Variants in AFF2 observed in about 807,000 individuals in gnomAD.
AFF2 encodes ALF transcription elongation factor 2, also known as AF4/FMR2 family member 2.
AFF2 carries 14 observed loss-of-function variants against 76.9 expected under a neutral mutation model. The observed-to-expected ratio is 0.18, with a 90% CI of 0.12 to 0.28. The LOEUF (loss-of-function observed/expected upper bound fraction) is 0.28. Among genes scored for constraint, AFF2 ranks in the 10% least tolerant of loss-of-function variants. The pLI, the probability that AFF2 is intolerant of heterozygous loss-of-function variation, is 1.00. For synonymous variants in AFF2, 398 were observed against 366.7 expected, an observed-to-expected ratio of 1.09 and a Z score of -0.98; for missense variants, 868 against 1,001.1, an observed-to-expected ratio of 0.87 and a Z score of 1.79.
intron 7 of AFF2, among the ~76,000 whole-genome samples, chrX:148,870,212 T>A (rs1274774812): frequency 9.0e-6 from 1 of 111,617 alleles, no homozygotes; most frequent in Non-Finnish European, 1.9e-5. Flanking sequence ...CTGCAATCTC[T>A]CAGAATAACA....
chrX:148,762,409 G>GTATA (rs372864201), intron 3 of AFF2, among the ~76,000 whole-genome samples: 1 of 86,672 alleles, frequency 1.2e-5, no homozygotes, highest in African/African-American at 7.7e-5. Context: ...GTATTCTATG[G>GTATA]TATATATATA....
At position 148,614,693 on chromosome X, in the gene AFF2, T is replaced by TTTTCTTTCTTTCTTTC. The variant is rs548569376; in HGVS notation, c.48-37281_48-37266dup. Among the ~76,000 whole-genome samples the TTTTCTTTCTTTCTTTC allele has an allele frequency of 2.4e-3, 132 of 56,092 alleles. 3 individuals carry two copies. Among genetic ancestry groups the TTTTCTTTCTTTCTTTC allele is most frequent in the African/African-American group, 0.011 (102 of 9,330 alleles). The allele number at this position is 56,092 out of a possible 115,157, so 48.7% of individuals were successfully genotyped here. ...CTTTTCTTCCTTCTTTCCTTCTTTC[T>TTTTCTTTCTTTCTTTC]TTTCTTTCTTTCTTTCTTTCTTTCT... On this transcript the variant is annotated intron_variant, in intron 1 of 20. Transcript: ENST00000370460.
chrX:148,963,763 T>C (rs1456664601), intron 13 of AFF2, among the ~76,000 whole-genome samples: 3 of 112,199 alleles, frequency 2.7e-5, no homozygotes, highest in African/African-American at 9.7e-5. Flanking sequence ...ATCTTGGCCA[T>C]AGAGACAAAT....
rs782341508 is a variant in AFF2 at position 148,783,671 on chromosome X, T to A, written c.1042-26205T>A. On this transcript the variant is annotated intron_variant, in intron 3 of 20. Transcript: ENST00000370460. ...TAATAACCATCCCAAGATATGATTT[T>A]TTTTTAGCTTGTCTCTAGAAGGAAG... 6.3e-5 allele frequency among the ~76,000 whole-genome samples: 7 copies of A among 111,937 alleles called. No homozygotes were observed. In the East Asian group the frequency reaches 2.0e-3, roughly 31 times the overall value.
At chrX:148,519,322 T>G (rs1407161774) in intron 1 of AFF2, among the ~76,000 whole-genome samples, 1 of 112,208 alleles carries the variant, frequency 8.9e-6, no homozygotes, top group African/African-American at 3.2e-5. Flanking sequence ...TCTACTCACT[T>G]TCTGTGTGTT....
chrX:148,593,994 CTAAG>C (rs2053546719), intron 1 of AFF2, among the ~76,000 whole-genome samples: 1 of 111,328 alleles, frequency 9.0e-6, no homozygotes, highest in Non-Finnish European at 1.9e-5. Flanking sequence ...GGGATATGAA[CTAAG>C]TGAGTTAATA....
At chrX:148,760,826 G>A (rs1351877840) in intron 3 of AFF2, among the ~76,000 whole-genome samples, 1 of 111,955 alleles carries the variant, frequency 8.9e-6, no homozygotes, top group African/African-American at 3.2e-5. Flanking sequence ...AAAACATGAA[G>A]TCATGTCCTT....
At chrX:148,607,546 T>C (rs2053684349) in intron 1 of AFF2, among the ~76,000 whole-genome samples, 1 of 111,569 alleles carries the variant, frequency 9.0e-6, no homozygotes, top group Admixed American at 9.5e-5. Flanking sequence ...TGTGGAACTG[T>C]GAGTCCATTA....
At chrX:148,840,286 A>G (rs1603310566) in intron 5 of AFF2, among the ~76,000 whole-genome samples, 1 of 112,167 alleles carries the variant, frequency 8.9e-6, no homozygotes, top group East Asian at 2.8e-4. Context: ...GTTATTATGA[A>G]TAATATTCAC....
At chrX:148,872,536 T>C (rs7065804) in intron 7 of AFF2, among the ~76,000 whole-genome samples, 1,399 of 112,359 alleles carry the variant, frequency 0.012, 21 homozygotes, top group African/African-American at 0.043. Flanking sequence ...TTCATTGACA[T>C]TTGTGCTGTT....
chrX:148,879,886 G>A lies in AFF2; in HGVS notation c.1263-6003G>A, dbSNP rs782602566. Among the ~76,000 whole-genome samples the A allele has an allele frequency of 3.6e-5, 4 of 111,974 alleles. No homozygotes were observed. In the East Asian group the frequency reaches 8.4e-4, roughly 24 times the overall value. ...TCCCTAGACTAGATGGCCCCTAAGG[G>A]AACTCCTAGTTCTCACACTAAGAAG... On this transcript the variant is annotated intron_variant, in intron 7 of 20. Transcript: ENST00000370460.
chrX:148,737,523 C>G (rs1429627182), intron 3 of AFF2, among the ~76,000 whole-genome samples: 2 of 111,151 alleles, frequency 1.8e-5, no homozygotes, highest in Non-Finnish European at 3.8e-5. Flanking sequence ...CTGGAGGAGT[C>G]CTTAGGGTTT....
chrX:148,916,434 T>G (rs2071533532), intron 9 of AFF2, among the ~76,000 whole-genome samples: 1 of 108,788 alleles, frequency 9.2e-6, no homozygotes, highest in South Asian at 4.1e-4. Flanking sequence ...ATGGTCTCGA[T>G]CTCCTGACCT....
At chrX:148,849,442 G>C (rs1557275119) in intron 7 of AFF2, among the ~76,000 whole-genome samples, 1 of 84,161 alleles carries the variant, frequency 1.2e-5, no homozygotes, top group Non-Finnish European at 2.1e-5. Context: ...GGCAAACATC[G>C]CTTCCTTTCT....
intron 3 of AFF2, among the ~76,000 whole-genome samples, chrX:148,683,018 C>CTCT (rs782587028): frequency 9.0e-6 from 1 of 111,598 alleles, no homozygotes; most frequent in African/African-American, 3.3e-5. Context: ...CGTGGTAACA[C>CTCT]TCTTGTCTGA....
At chrX:148,562,213 A>G (rs1051121635) in intron 1 of AFF2, among the ~76,000 whole-genome samples, 4 of 112,502 alleles carry the variant, frequency 3.6e-5, no homozygotes, top group African/African-American at 1.3e-4. Flanking sequence ...AACCACATTT[A>G]ATCAATTGTC....
intron 2 of AFF2, among the ~76,000 whole-genome samples, chrX:148,655,835 A>C (rs2054246317): frequency 1.8e-5 from 2 of 111,210 alleles, no homozygotes; most frequent in South Asian, 7.6e-4. Flanking sequence ...TGGGAGTCCT[A>C]GAGCTGGCCC....
chrX:148,642,702 G>C (rs893993889), intron 1 of AFF2, among the ~76,000 whole-genome samples: 1 of 112,028 alleles, frequency 8.9e-6, no homozygotes. Context: ...TAAGCCTTGG[G>C]CCACTGAGCA....
chrX:148,770,829 G>C (rs1557268054), intron 3 of AFF2, among the ~76,000 whole-genome samples: 1 of 112,103 alleles, frequency 8.9e-6, no homozygotes, highest in Non-Finnish European at 1.9e-5. Context: ...TATTGGTGCA[G>C]AAAAGAGTTA....
Sources: gnomAD v4.1 joint callset for allele counts (sites outside exome capture counted in the v4.1 genomes callset) on GRCh38, gnomAD v4.1.1 for gene constraint, MANE v1.5 for transcripts, NCBI Gene and HGNC (gene_info 2026-07-23, HGNC 2026-07-21) for gene names.